ATXN1: variants seen among roughly 807,000 people sequenced by gnomAD.
ATXN1 encodes ataxin 1, also known as ataxin-1.
Under a neutral mutation model 56.4 loss-of-function variants are expected in ATXN1, and 8 were observed. That is an observed-to-expected ratio of 0.14 (90% CI 0.08 to 0.26). The LOEUF (loss-of-function observed/expected upper bound fraction) is 0.26. Ranked by LOEUF, ATXN1 falls within the 10% of genes least tolerant of loss-of-function variation. ATXN1 has a pLI of 1.00. For missense variants in ATXN1, 987 were observed against 1,106.5 expected, an observed-to-expected ratio of 0.89 and a Z score of 1.53; for synonymous variants, 514 against 494.6, an observed-to-expected ratio of 1.04 and a Z score of -0.52.
chr6:16,313,456 G>A (rs934952126), intron 7 of ATXN1, among the ~76,000 whole-genome samples: 7 of 152,172 alleles, frequency 4.6e-5, no homozygotes, highest in African/African-American at 1.7e-4. Flanking sequence ...ATGCTGTGGT[G>A]TGAACCATAG....
chr6:16,720,038 G>A (rs568844063), intron 2 of ATXN1, among the ~76,000 whole-genome samples: 38 of 152,196 alleles, frequency 2.5e-4, no homozygotes, highest in African/African-American at 7.9e-4. Context: ...CACATTTAGC[G>A]TAAAATCCAA....
intron 5 of ATXN1, among the ~76,000 whole-genome samples, chr6:16,505,029 A>G (rs1455847370): frequency 9.4e-6 from 1 of 106,550 alleles, no homozygotes; most frequent in African/African-American, 3.9e-5. Context: ...CTCTACTTCT[A>G]TTTTCCAACT....
chr6:16,397,687 C>T (rs1758484292), intron 6 of ATXN1, among the ~76,000 whole-genome samples: 2 of 152,210 alleles, frequency 1.3e-5, no homozygotes, highest in Non-Finnish European at 2.9e-5. Flanking sequence ...AAGCCATATG[C>T]CACCAAATCA....
chr6:16,465,873 G>A (rs1435254307), intron 6 of ATXN1, among the ~76,000 whole-genome samples: 1 of 152,146 alleles, frequency 6.6e-6, no homozygotes, highest in Admixed American at 6.5e-5. Context: ...TGAGAGATGG[G>A]GAGGCCCACT....
At chr6:16,412,661 G>A (rs534155637) in intron 6 of ATXN1, among the ~76,000 whole-genome samples, 1 of 152,238 alleles carries the variant, frequency 6.6e-6, no homozygotes, top group Admixed American at 6.5e-5. Context: ...AATCTCCTAG[G>A]ATGCCCTCAC....
chr6:16,552,961 A>G (rs1761949115), intron 4 of ATXN1, among the ~76,000 whole-genome samples: 1 of 152,228 alleles, frequency 6.6e-6, no homozygotes, highest in Non-Finnish European at 1.5e-5. Flanking sequence ...ACGCCAGAGA[A>G]CCAAAGGGCT....
chr6:16,311,090 T>C (rs1241016979), intron 7 of ATXN1, among the ~76,000 whole-genome samples: 3 of 152,230 alleles, frequency 2.0e-5, no homozygotes, highest in Admixed American at 6.5e-5. Flanking sequence ...CTGGGCTATT[T>C]TTATAATGTG....
At chr6:16,456,593 C>A (rs1032075257) in intron 6 of ATXN1, among the ~76,000 whole-genome samples, 1 of 152,184 alleles carries the variant, frequency 6.6e-6, no homozygotes, top group African/African-American at 2.4e-5. Context: ...CAGCCATGAG[C>A]AGAACTCTCA....
intron 2 of ATXN1, among the ~76,000 whole-genome samples, chr6:16,715,663 A>C (rs1259831760): frequency 6.6e-6 from 1 of 152,194 alleles, no homozygotes; most frequent in Non-Finnish European, 1.5e-5. Context: ...CTGATGACCA[A>C]ATCTACAGAC....
intron 2 of ATXN1, among the ~76,000 whole-genome samples, chr6:16,724,523 T>C (rs1393615626): frequency 6.6e-6 from 1 of 152,132 alleles, no homozygotes; most frequent in East Asian, 1.9e-4. Flanking sequence ...AAGCAACCCA[T>C]GAACAGGGTG....
Position 16,326,832 on chromosome 6 carries a change from C to A in ATXN1, c.1479G>T (p.Pro493=). ...ACGCTTCCATGTCAGTGCTGCCGAC[C>A]GGGATGAGCAGGGGCTGTGTGCCGG... ...VIPGTQPLLI[P]VGSTDMEASG... Residue 493 remains proline, a synonymous_variant, in exon 7 of 8, where the codon CCG becomes CCT. Coordinates refer to ENST00000436367, the MANE Select transcript of ATXN1 (RefSeq NM_001128164.2). The surrounding 1 kb of genome is among the most constrained non-coding windows in gnomAD (Gnocchi z 6.6). 6.2e-7 allele frequency: 1 copy of A among 1,606,962 alleles called. No homozygotes were observed. Among genetic ancestry groups the A allele is most frequent in the Non-Finnish European group, 8.5e-7 (1 of 1,174,866 alleles).
At chr6:16,343,071 G>A (rs1375992094) in intron 6 of ATXN1, among the ~76,000 whole-genome samples, 5 of 152,206 alleles carry the variant, frequency 3.3e-5, no homozygotes, top group South Asian at 2.1e-4. Flanking sequence ...ATGGCTGGGC[G>A]CGTTGGCTCA....
At chr6:16,581,222 TGTGC>T (rs60773492) in intron 4 of ATXN1, among the ~76,000 whole-genome samples, 4,248 of 130,310 alleles carry the variant, frequency 0.033, 110 homozygotes, top group East Asian at 0.13. Flanking sequence ...TGTGTGTGTG[TGTGC>T]GCGCGTGTGT....
intron 6 of ATXN1, among the ~76,000 whole-genome samples, chr6:16,369,974 C>T (rs572247779): frequency 3.5e-4 from 54 of 152,130 alleles, no homozygotes; most frequent in Non-Finnish European, 6.6e-4. Flanking sequence ...TGCCTGGTGC[C>T]GAGCCAACAT....
intron 6 of ATXN1, among the ~76,000 whole-genome samples, chr6:16,342,043 G>GTTATTT (rs1391834794): frequency 2.0e-5 from 3 of 151,904 alleles, no homozygotes; most frequent in Non-Finnish European, 2.9e-5. Context: ...ACCTGGCTAT[G>GTTATTT]TTATTTTTAT....
At chr6:16,577,618 A>G (rs1389205032) in intron 4 of ATXN1, among the ~76,000 whole-genome samples, 1 of 152,146 alleles carries the variant, frequency 6.6e-6, no homozygotes, top group Non-Finnish European at 1.5e-5. Context: ...ATATTTTTGG[A>G]AAAATTCTGT....
intron 3 of ATXN1, among the ~76,000 whole-genome samples, chr6:16,636,036 G>A (rs560042504): frequency 1.3e-5 from 2 of 152,216 alleles, no homozygotes; most frequent in South Asian, 2.1e-4. Flanking sequence ...GGAGATCACC[G>A]AACACCTGAA....
chr6:16,456,474 T>C (rs187976295), intron 6 of ATXN1, among the ~76,000 whole-genome samples: 17 of 152,298 alleles, frequency 1.1e-4, no homozygotes, highest in African/African-American at 4.1e-4. Flanking sequence ...GAGCATTGGT[T>C]TGCCTGGAAC....
intron 3 of ATXN1, among the ~76,000 whole-genome samples, chr6:16,602,968 T>C (rs935767995): frequency 1.3e-5 from 2 of 152,188 alleles, no homozygotes; most frequent in African/African-American, 4.8e-5. Context: ...TGTAATATAA[T>C]AATTATGAGA....
Sources: allele counts gnomAD v4.1 joint callset (sites outside exome capture counted in the v4.1 genomes callset), GRCh38; gene constraint gnomAD v4.1.1; non-coding constraint Gnocchi (gnomAD v3.1); transcripts MANE v1.5; gene names NCBI Gene and HGNC (gene_info 2026-07-23, HGNC 2026-07-21).